AFF1: variants seen among roughly 807,000 people sequenced by gnomAD.
The protein encoded by AFF1 is AF4/FMR2 family member 1.
A neutral mutation model predicts 121.7 loss-of-function variants in AFF1; 48 were observed. The observed-to-expected ratio is 0.39, with a 90% confidence interval of 0.31 to 0.50. AFF1 has a LOEUF of 0.50. Ranked by LOEUF, AFF1 falls within the 20% of genes least tolerant of loss-of-function variation. The pLI, the probability that AFF1 is intolerant of heterozygous loss-of-function variation, is 0.76. For missense variants in AFF1, 1,523 were observed against 1,511.7 expected (o/e 1.01, Z -0.12); for synonymous variants, 613 against 563.0 (o/e 1.09, Z -1.26).
chr4:87,123,483 C>T (rs990426978), intron 12 of AFF1, among the ~76,000 whole-genome samples: 7 of 152,132 alleles, frequency 4.6e-5, no homozygotes, highest in Non-Finnish European at 8.8e-5. Context: ...CTGTATTTTC[C>T]CTTCTTAACA....
rs186204251 is a variant in AFF1, at chr4:87,110,359, C to G, written c.1533+2044C>G. On this transcript the variant is annotated intron_variant, in intron 11 of 20. Transcript: ENST00000395146. ...TACAAACAATTCAGTTATACTTTTT[C>G]AGTTATTTTAAAATGTAAATTAAAG... Among the ~76,000 whole-genome samples the G allele has an allele frequency of 2.0e-3, 309 of 152,160 alleles. 1 individual carries two copies. The highest frequency in any genetic ancestry group is 3.2e-3 in the Non-Finnish European group (219 of 67,986).
At chr4:87,001,714 G>A (rs1199940854) in intron 2 of AFF1, among the ~76,000 whole-genome samples, 1 of 152,230 alleles carries the variant, frequency 6.6e-6, no homozygotes, top group Non-Finnish European at 1.5e-5. Context: ...GGGCTGCTTT[G>A]TGTTGAAGTC....
At chr4:87,099,142 C>T (rs950031059) in intron 8 of AFF1, among the ~76,000 whole-genome samples, 3 of 152,070 alleles carry the variant, frequency 2.0e-5, no homozygotes, top group East Asian at 1.9e-4. Flanking sequence ...TAGCTTATAC[C>T]GTTTGAACCT....
chr4:87,077,630 C>G (rs1241725762), intron 4 of AFF1, among the ~76,000 whole-genome samples: 1 of 145,796 alleles, frequency 6.9e-6, no homozygotes, highest in Non-Finnish European at 1.5e-5. Flanking sequence ...TTAGGACTTT[C>G]TTGTGTATCA....
intron 4 of AFF1, among the ~76,000 whole-genome samples, chr4:87,072,224 C>G (rs1018923755): frequency 2.6e-5 from 4 of 151,618 alleles, no homozygotes; most frequent in African/African-American, 4.8e-5. Context: ...TTAGCTGGGC[C>G]TGGTGGCGGG....
chr4:87,050,866 A>G (rs1003168010), intron 4 of AFF1, among the ~76,000 whole-genome samples: 2 of 152,164 alleles, frequency 1.3e-5, no homozygotes, highest in Non-Finnish European at 2.9e-5. Flanking sequence ...ATTTCTTTAT[A>G]TCGTTCTTTT....
chr4:86,963,963 GTTTTTTT>G (rs3035477), intron 2 of AFF1, among the ~76,000 whole-genome samples: 1 of 104,382 alleles, frequency 9.6e-6, no homozygotes, highest in Non-Finnish European at 1.9e-5. Flanking sequence ...GACTAGACTG[GTTTTTTT>G]TTTTTTTTTT....
In AFF1 at chr4:87,090,002, C is replaced by G; in HGVS notation, c.1123C>G (p.Pro375Ala). The change falls in exon 6 of 21, where the codon CCG becomes GCG. Residue 375 changes from proline to alanine, a missense_variant. By Grantham distance (27) the Pro-to-Ala change is conservative. This residue lies in a region of AFF1 where 905 missense variants were observed against 842.5 expected (regional missense o/e 1.07). Transcript: ENST00000395146. ...EILKEMTHSW[P>A]PPLTAIHTPS... is the part of the protein sequence containing the mutation. Reference sequence around the variant, plus strand: ...TTTCCAGGAAATGACCCATTCATGGCCGCCTCCTTTGACAGCAATACATAC... The same window carrying G: ...TTTCCAGGAAATGACCCATTCATGGGCGCCTCCTTTGACAGCAATACATAC... The G allele has an allele frequency of 3.1e-6, 5 of 1,613,852 alleles. No individual in the cohort carries two copies. Among genetic ancestry groups the G allele is most frequent in the Non-Finnish European group, 4.2e-6 (5 of 1,179,902 alleles).
chr4:87,126,819 C>G (rs540307388), intron 14 of AFF1, among the ~76,000 whole-genome samples: 1 of 152,206 alleles, frequency 6.6e-6, no homozygotes, highest in Middle Eastern at 3.4e-3. Flanking sequence ...CTTGGACATT[C>G]TAGTCTTTTT....
At chr4:87,118,728 C>T (rs537221211) in intron 12 of AFF1, among the ~76,000 whole-genome samples, 1 of 152,140 alleles carries the variant, frequency 6.6e-6, no homozygotes, top group Non-Finnish European at 1.5e-5. Flanking sequence ...TCCAGCAATC[C>T]TACCTCAGCC....
intron 2 of AFF1, among the ~76,000 whole-genome samples, chr4:86,960,560 T>C (rs1343173112): frequency 6.6e-6 from 1 of 152,218 alleles, no homozygotes; most frequent in Non-Finnish European, 1.5e-5. Flanking sequence ...TTTCTTTATA[T>C]TTGTGTAGTT....
intron 16 of AFF1, 43 bp from the exon 17 acceptor site, chr4:87,131,040 G>C (rs1290414871): frequency 6.2e-7 from 1 of 1,604,382 alleles, no homozygotes; most frequent in Non-Finnish European, 8.5e-7. Flanking sequence ...ACTAAATCAA[G>C]GTTTGTCTTC....
chr4:87,002,086 A>AT (rs1369935724), intron 2 of AFF1, among the ~76,000 whole-genome samples: 1 of 150,266 alleles, frequency 6.7e-6, no homozygotes, highest in African/African-American at 2.5e-5. Flanking sequence ...ACCTGTTTAA[A>AT]TTTTTTCTTT....
chr4:87,123,054 C>T (rs189372078), intron 12 of AFF1, among the ~76,000 whole-genome samples: 3 of 152,066 alleles, frequency 2.0e-5, no homozygotes, highest in Non-Finnish European at 2.9e-5. Flanking sequence ...CCACCACACT[C>T]GACTAATTTT....
intron 4 of AFF1, among the ~76,000 whole-genome samples, chr4:87,071,495 A>T (rs945816580): frequency 6.6e-6 from 1 of 152,112 alleles, no homozygotes; most frequent in Non-Finnish European, 1.5e-5. Flanking sequence ...AAAGAAATTC[A>T]AGTTGAAAGA....
At chr4:87,112,821 C>G (rs1399718607) in intron 11 of AFF1, among the ~76,000 whole-genome samples, 1 of 152,204 alleles carries the variant, frequency 6.6e-6, no homozygotes, top group African/African-American at 2.4e-5. Context: ...AAACCACCTC[C>G]CCGAGTGGAT....
At chr4:87,002,923 C>A (rs1172903487) in intron 2 of AFF1, among the ~76,000 whole-genome samples, 1 of 152,120 alleles carries the variant, frequency 6.6e-6, no homozygotes, top group African/African-American at 2.4e-5. Context: ...ATTCTTTGCC[C>A]CTCAAAGGTT....
intron 2 of AFF1, among the ~76,000 whole-genome samples, chr4:86,959,372 A>G (rs1041292409): frequency 6.6e-6 from 1 of 152,158 alleles, no homozygotes; most frequent in Non-Finnish European, 1.5e-5. Flanking sequence ...AGTTTACATT[A>G]AAAAAAGAAA....
At chr4:86,995,324 CCT>C (rs1314015220) in intron 2 of AFF1, among the ~76,000 whole-genome samples, 1 of 118,912 alleles carries the variant, frequency 8.4e-6, no homozygotes, top group African/African-American at 3.8e-5. Context: ...CCACGGTCTC[CCT>C]CTCCCTCTCT....
Sources: gnomAD v4.1 joint callset for allele counts (sites outside exome capture counted in the v4.1 genomes callset) on GRCh38, gnomAD v4.1.1 for gene constraint, gnomAD v4.1.1 regional missense constraint, MANE v1.5 for transcripts, NCBI Gene and HGNC (gene_info 2026-07-23, HGNC 2026-07-21) for gene names.